Variants in TGFBR3 observed in about 807,000 individuals in gnomAD.
TGFBR3 encodes the protein transforming growth factor beta receptor 3, also known as transforming growth factor beta receptor type 3.
In TGFBR3, 46 loss-of-function variants were observed where a neutral mutation model predicts 87.9. That is an observed-to-expected ratio of 0.52 (90% CI 0.41 to 0.67). The LOEUF is 0.67. Ranked by LOEUF, TGFBR3 falls within the 30% of genes least tolerant of loss-of-function variation. TGFBR3 has a pLI of 0.00. For synonymous variants in TGFBR3, 381 were observed against 391.6 expected, an observed-to-expected ratio of 0.97 and a Z score of 0.32; for missense variants, 866 against 1,041.9, an observed-to-expected ratio of 0.83 and a Z score of 2.32.
chr1:91,724,239 G>A (rs1302271839), intron 7 of TGFBR3, among the ~76,000 whole-genome samples: 134 of 152,274 alleles, frequency 8.8e-4, no homozygotes, highest in African/African-American at 3.0e-3. Context: ...AAGAAACAAA[G>A]AGGAAGGAAG....
rs1473648935 is a variant in TGFBR3, at chr1:91,861,677, G to A, written c.-113-33C>T. On this transcript the variant is annotated intron_variant, in intron 1 of 16. Coordinates refer to ENST00000212355, the MANE Select transcript of TGFBR3 (RefSeq NM_003243.5). ...ACAAATTTCAATAAGAAAACTTAAT[G>A]AAGAAACTTCATAAACAAACAGACA... is the stretch of plus-strand genomic sequence containing the variant. 4 of 695,862 alleles carry A rather than the reference G, an allele frequency of 5.7e-6. No homozygotes were observed. In the African/African-American group the frequency reaches 7.1e-5, roughly 12 times the overall value. 43.1% of individuals were successfully genotyped at this position (695,862 alleles called of 1,614,324 possible). A position where few individuals can be genotyped will look rare whatever the true frequency, so the allele number is the denominator to read the frequency against.
rs1674056427 is a variant in TGFBR3, at chr1:91,763,592, G to C, written c.247-4842C>G. ...TAGCCATCATCTGTCCCCTCTTCAGGGGTAAGGAGACATCCCACTTGGCAA... is the reference window on the plus strand; with the variant it reads ...TAGCCATCATCTGTCCCCTCTTCAGCGGTAAGGAGACATCCCACTTGGCAA... On this transcript the variant is annotated intron_variant, in intron 3 of 16. Coordinates refer to ENST00000212355, the MANE Select transcript of TGFBR3 (RefSeq NM_003243.5). Among the ~76,000 whole-genome samples the C allele has an allele frequency of 2.6e-5, 4 of 152,244 alleles. No homozygotes were observed. The South Asian group carries it at 8.3e-4, about 32-fold the overall frequency.
chr1:91,863,352 T>C (rs1458066697), intron 1 of TGFBR3, among the ~76,000 whole-genome samples: 1 of 152,252 alleles, frequency 6.6e-6, no homozygotes, highest in Non-Finnish European at 1.5e-5. Context: ...TGCCTGGGTG[T>C]GAATCCACTC....
intron 3 of TGFBR3, among the ~76,000 whole-genome samples, chr1:91,773,787 T>C (rs1053192089): frequency 6.6e-6 from 1 of 152,230 alleles, no homozygotes; most frequent in Admixed American, 6.5e-5. Flanking sequence ...ATCTGTGTAC[T>C]CAATTAAAAG....
At chr1:91,835,309 TG>T (rs1362934365) in intron 2 of TGFBR3, among the ~76,000 whole-genome samples, 5 of 152,186 alleles carry the variant, frequency 3.3e-5, no homozygotes, top group African/African-American at 1.2e-4. Flanking sequence ...ACCATTCAGA[TG>T]GGTTATTTGT....
chr1:91,702,478 C>T (rs1289427850), intron 14 of TGFBR3, among the ~76,000 whole-genome samples: 1 of 151,424 alleles, frequency 6.6e-6, no homozygotes, highest in African/African-American at 2.4e-5. Flanking sequence ...AACCCCGTCT[C>T]TACTAAAAAT....
intron 3 of TGFBR3, among the ~76,000 whole-genome samples, chr1:91,771,565 G>A (rs1674378534): frequency 1.3e-5 from 2 of 151,828 alleles, no homozygotes; most frequent in South Asian, 4.2e-4. Flanking sequence ...AATTAGCCGG[G>A]CGTGGTGGCG....
chr1:91,808,306 G>C (rs1429395968), intron 2 of TGFBR3, among the ~76,000 whole-genome samples: 1 of 152,108 alleles, frequency 6.6e-6, no homozygotes, highest in Non-Finnish European at 1.5e-5. Flanking sequence ...CACAGTATTA[G>C]AGTAAAAATT....
intron 1 of TGFBR3, chr1:91,862,003 G>A (rs1385343953): frequency 4.7e-6 from 1 of 213,586 alleles, no homozygotes; most frequent in East Asian, 1.4e-4. Flanking sequence ...TTACAGACAT[G>A]CGCCACTACG....
intron 16 of TGFBR3, among the ~76,000 whole-genome samples, chr1:91,690,167 A>G (rs984033851): frequency 1.3e-5 from 2 of 152,212 alleles, no homozygotes; most frequent in Non-Finnish European, 1.5e-5. Flanking sequence ...GGCATCAGGC[A>G]CCTCTGGAAA....
chr1:91,722,407 G>C (rs1294140225), intron 7 of TGFBR3, among the ~76,000 whole-genome samples: 5 of 152,004 alleles, frequency 3.3e-5, no homozygotes, highest in Non-Finnish European at 7.4e-5. Context: ...CATGTAAGTA[G>C]TTACATACTA....
In TGFBR3 at chr1:91,754,658, G is replaced by T. The variant is rs544701963; in HGVS notation, c.384+3955C>A. 5.9e-4 allele frequency among the ~76,000 whole-genome samples: 90 copies of T among 152,284 alleles called. 1 individual carries two copies. The highest frequency in any genetic ancestry group is 1.6e-3 in the African/African-American group (68 of 41,572). On this transcript the variant is annotated intron_variant, in intron 4 of 16. Coordinates refer to ENST00000212355, the MANE Select transcript of TGFBR3 (RefSeq NM_003243.5). ...GTGAGGGGGTGAGAAGGACTGAAAT[G>T]ATTTGACAGAAAAAGACAGATGCCT... is the stretch of plus-strand genomic sequence containing the variant.
intron 2 of TGFBR3, among the ~76,000 whole-genome samples, chr1:91,823,765 C>A (rs1245858691): frequency 6.6e-6 from 1 of 152,220 alleles, no homozygotes; most frequent in Non-Finnish European, 1.5e-5. Context: ...GAAAAATTCT[C>A]TGTATCTTGA....
chr1:91,788,065 A>G (rs1675039033), intron 3 of TGFBR3, among the ~76,000 whole-genome samples: 1 of 152,206 alleles, frequency 6.6e-6, no homozygotes, highest in Admixed American at 6.5e-5. Flanking sequence ...AGTGCTTGAC[A>G]GCACTGGAGG....
chr1:91,890,626 G>A (rs1255705209), upstream of TGFBR3, among the ~76,000 whole-genome samples: 8 of 151,686 alleles, frequency 5.3e-5, no homozygotes, highest in Non-Finnish European at 1.0e-4. Context: ...CACCATATTG[G>A]CCAGGCTGGT....
In TGFBR3 at chr1:91,837,447, TG is replaced by T. The variant is rs556363530; in HGVS notation, c.61+24023del. ...TTTCAGTAGAGACGGGGTTTCACCA[TG>T]TTGGCCAGGCTGGTCTCAAACTCCT... On this transcript the variant is annotated intron_variant, in intron 2 of 16. Transcript: ENST00000212355. Among the ~76,000 whole-genome samples, 319 of 152,174 alleles carry T rather than the reference TG, an allele frequency of 2.1e-3. 1 individual carries two copies. The highest frequency in any genetic ancestry group is 7.3e-3 in the African/African-American group (304 of 41,506).
intron 4 of TGFBR3, among the ~76,000 whole-genome samples, chr1:91,757,081 C>T (rs1451693389): frequency 6.6e-6 from 1 of 152,210 alleles, no homozygotes; most frequent in Non-Finnish European, 1.5e-5. Flanking sequence ...AGCTGCCCCA[C>T]TCCCTACCCA....
Position 91,806,843 on chromosome 1 carries a change from TG to T in TGFBR3, c.62-9373del, listed in dbSNP as rs201016791. ...AAGAGGGACAAACTCCCACAGATTG[TG>T]GGACTGGGTACTACAGGATCTATTC... is the stretch of plus-strand genomic sequence containing the variant. On this transcript the variant is annotated intron_variant, in intron 2 of 16. Coordinates refer to ENST00000212355, the MANE Select transcript of TGFBR3 (RefSeq NM_003243.5). 5.4e-3 allele frequency among the ~76,000 whole-genome samples: 820 copies of T among 152,314 alleles called. 10 individuals are homozygous for T. Among genetic ancestry groups the T allele is most frequent in the South Asian group, 0.012 (56 of 4,826 alleles).
intron 15 of TGFBR3, among the ~76,000 whole-genome samples, chr1:91,696,344 T>C (rs1231464665): frequency 6.6e-6 from 1 of 152,236 alleles, no homozygotes; most frequent in East Asian, 1.9e-4. Context: ...ATTATAACAT[T>C]TCACCGATCT....
Sources: gnomAD v4.1 joint callset for allele counts (sites outside exome capture counted in the v4.1 genomes callset) on GRCh38, gnomAD v4.1.1 for gene constraint, MANE v1.5 for transcripts, NCBI Gene and HGNC (gene_info 2026-07-23, HGNC 2026-07-21) for gene names.